REDIC1: variants seen among roughly 807,000 people sequenced by gnomAD.
REDIC1 encodes the protein regulator of DNA class I crossover intermediates 1.
chr12:39,844,218 C>T, the REDIC1 span, among the ~76,000 whole-genome samples: 32 of 152,002 alleles, frequency 2.1e-4, no homozygotes, highest in Admixed American at 2.1e-3. Context: ...CTAAATAGTA[C>T]TCCTAACACT....
the REDIC1 span, chr12:39,864,839 T>C: frequency 1.2e-6 from 2 of 1,613,804 alleles, no homozygotes; most frequent in Non-Finnish European, 1.7e-6. Context: ...CTTGGGCTGA[T>C]AGCACAAATC....
the REDIC1 span, among the ~76,000 whole-genome samples, chr12:39,772,106 C>T: frequency 6.6e-6 from 1 of 152,096 alleles, no homozygotes; most frequent in Admixed American, 6.6e-5. Context: ...TCATATAGTG[C>T]TCTGTATGGT....
At chr12:39,800,067 G>A in the REDIC1 span, among the ~76,000 whole-genome samples, 1 of 152,114 alleles carries the variant, frequency 6.6e-6, no homozygotes. Flanking sequence ...AATGTTTATT[G>A]TGATAGCTGG....
At chr12:39,821,139 C>T in the REDIC1 span, among the ~76,000 whole-genome samples, 491 of 152,140 alleles carry the variant, frequency 3.2e-3, 1 homozygote, top group African/African-American at 0.011. Context: ...AAAAATTTTT[C>T]GCAGTGGCTC....
chr12:39,898,608 T>C, the REDIC1 span, among the ~76,000 whole-genome samples: 1 of 152,156 alleles, frequency 6.6e-6, no homozygotes, highest in Admixed American at 6.6e-5. Context: ...TGTCTTCAAA[T>C]TGAAGAATCA....
the REDIC1 span, among the ~76,000 whole-genome samples, chr12:39,711,291 A>G: frequency 2.0e-5 from 3 of 149,026 alleles, no homozygotes; most frequent in African/African-American, 4.9e-5. Context: ...TATATAGTGT[A>G]TATATAACAT....
chr12:39,812,903 C>T, the REDIC1 span, among the ~76,000 whole-genome samples: 1 of 148,348 alleles, frequency 6.7e-6, no homozygotes, highest in Admixed American at 6.8e-5. Flanking sequence ...GGTGTGATCT[C>T]CCTGCAACCT....
chr12:39,891,307 C>T, the REDIC1 span, among the ~76,000 whole-genome samples: 14 of 151,680 alleles, frequency 9.2e-5, no homozygotes, highest in East Asian at 2.1e-3. Flanking sequence ...ACTTTCCTGA[C>T]TCCTCCACTG....
At chr12:39,635,189 T>C in the REDIC1 span, among the ~76,000 whole-genome samples, 2 of 152,130 alleles carry the variant, frequency 1.3e-5, no homozygotes, top group African/African-American at 4.8e-5. Context: ...TTTTACACTG[T>C]TGGTGGGAGT....
chr12:39,744,408 G>A, the REDIC1 span, among the ~76,000 whole-genome samples: 19 of 152,234 alleles, frequency 1.2e-4, no homozygotes, highest in East Asian at 1.3e-3. Context: ...TGGAATAAGC[G>A]AAGATAAGTT....
At chr12:39,851,568 G>C in the REDIC1 span, among the ~76,000 whole-genome samples, 4 of 152,136 alleles carry the variant, frequency 2.6e-5, no homozygotes, top group African/African-American at 9.7e-5. Context: ...ATTACTGAAG[G>C]AGCAACATTA....
At chr12:39,899,213 G>A in the REDIC1 span, among the ~76,000 whole-genome samples, 3 of 152,116 alleles carry the variant, frequency 2.0e-5, no homozygotes, top group East Asian at 5.8e-4. Context: ...GTCTTGGGAG[G>A]GTGTATGTGT....
At chr12:39,637,079 C>A in the REDIC1 span, among the ~76,000 whole-genome samples, 10 of 151,876 alleles carry the variant, frequency 6.6e-5, no homozygotes, top group East Asian at 1.9e-3. Flanking sequence ...TCCTTTCTCT[C>A]CTTTCTCTTC....
At chr12:39,662,114 G>A in the REDIC1 span, among the ~76,000 whole-genome samples, 1 of 151,994 alleles carries the variant, frequency 6.6e-6, no homozygotes, top group African/African-American at 2.4e-5. Context: ...GCTCAGGATT[G>A]CTTTGGCTAC....
chr12:39,858,980 A>G, the REDIC1 span, among the ~76,000 whole-genome samples: 1 of 152,176 alleles, frequency 6.6e-6, no homozygotes, highest in Non-Finnish European at 1.5e-5. Context: ...CATGTTAATG[A>G]TGCGTTTGTT....
the REDIC1 span, chr12:39,757,668 G>A: frequency 6.6e-6 from 1 of 152,090 alleles, no homozygotes; most frequent in South Asian, 2.1e-4. Context: ...CAGGGGAGTA[G>A]GGGAGGAGAA....
At chr12:39,786,224 T>C in the REDIC1 span, among the ~76,000 whole-genome samples, 1 of 152,144 alleles carries the variant, frequency 6.6e-6, no homozygotes, top group African/African-American at 2.4e-5. Flanking sequence ...GGGGAGGTAA[T>C]TGAATCATGG....
the REDIC1 span, among the ~76,000 whole-genome samples, chr12:39,747,640 C>T: frequency 0.98 from 148,445 of 152,200 alleles, 72,395 homozygotes; most frequent in East Asian, 1. Flanking sequence ...TTCACCAAAG[C>T]TGAAATGAAG....
chr12:39,831,735 T>A, the REDIC1 span, among the ~76,000 whole-genome samples: 6 of 152,018 alleles, frequency 3.9e-5, no homozygotes, highest in Admixed American at 1.3e-4. Context: ...TCACATGAGA[T>A]CTGGTTGTTA....
Sources: allele counts gnomAD v4.1 joint callset (sites outside exome capture counted in the v4.1 genomes callset), GRCh38; gene constraint gnomAD v4.1.1; transcripts MANE v1.5; gene names NCBI Gene and HGNC (gene_info 2026-07-23, HGNC 2026-07-21).